The following CLVS1 variants were observed in gnomAD, a reference collection of about 807,000 sequenced individuals.
The protein encoded by CLVS1 is clavesin 1.
In CLVS1, 10 loss-of-function variants were observed where a neutral mutation model predicts 33.1. The ratio of observed to expected loss-of-function variants is 0.30; its 90% CI spans 0.19 to 0.51. The LOEUF (loss-of-function observed/expected upper bound fraction) is 0.51, where lower values mean the gene tolerates loss of function less well. CLVS1 is among the 20% of genes least tolerant of loss of function. CLVS1 has a pLI of 0.97. For synonymous variants in CLVS1, 163 were observed against 166.1 expected, an observed-to-expected ratio of 0.98 and a Z score of 0.14; for missense variants, 343 against 433.4, an observed-to-expected ratio of 0.79 and a Z score of 1.85.
chr8:61,388,584 G>A (rs929493311), intron 3 of CLVS1, among the ~76,000 whole-genome samples: 2 of 151,832 alleles, frequency 1.3e-5, no homozygotes, highest in East Asian at 3.9e-4. Flanking sequence ...TAAAATGGAT[G>A]CATTAAGCCT....
chr8:61,194,562 T>C (rs1421025625), intron 2 of CLVS1, among the ~76,000 whole-genome samples: 3 of 151,988 alleles, frequency 2.0e-5, no homozygotes, highest in Non-Finnish European at 2.9e-5. Context: ...TCTATGTATA[T>C]AGGCCTCCTT....
the CLVS1 span, among the ~76,000 whole-genome samples, chr8:60,989,832 A>C: frequency 1.3e-5 from 2 of 152,068 alleles, no homozygotes; most frequent in African/African-American, 4.8e-5. Flanking sequence ...ATGGCATAAA[A>C]GAGGCAGAGG....
chr8:61,446,247 A>G (rs1331187486), intron 3 of CLVS1, among the ~76,000 whole-genome samples: 1 of 151,868 alleles, frequency 6.6e-6, no homozygotes. Context: ...AGGGGCTTAG[A>G]TTATTGATTC....
intron 2 of CLVS1, among the ~76,000 whole-genome samples, chr8:61,337,271 G>A (rs1394494511): frequency 6.6e-6 from 1 of 152,198 alleles, no homozygotes; most frequent in African/African-American, 2.4e-5. Flanking sequence ...TGTGCCACAA[G>A]TGGGTGAGTT....
chr8:61,085,712 G>C (rs1433727859), intron 1 of CLVS1, among the ~76,000 whole-genome samples: 2 of 138,132 alleles, frequency 1.4e-5, no homozygotes, highest in Non-Finnish European at 1.5e-5. Flanking sequence ...CCAAAATGGT[G>C]AAACCCCATC....
At chr8:61,313,522 C>T (rs1048270938) in intron 2 of CLVS1, among the ~76,000 whole-genome samples, 4 of 152,130 alleles carry the variant, frequency 2.6e-5, no homozygotes, top group Non-Finnish European at 2.9e-5. Context: ...TAGGAAAGAA[C>T]ACAGGAGGGA....
rs1188366643 is a variant in CLVS1, at chr8:61,246,167, CTTTTTTTTTTTTTTTTT to C, written c.-151-53497_-151-53481del. ...AAACCCTTTTTCTCTTCCTTCCCAA[CTTTTTTTTTTTTTTTTT>C]TTTTTTTTTTTTGAGACGGAGTCTC... On this transcript the variant is annotated intron_variant, in intron 2 of 2. Coordinates refer to the CLVS1 transcript ENST00000522621. Among the ~76,000 whole-genome samples the C allele has an allele frequency of 1.6e-4, 13 of 82,240 alleles. No individual in the cohort carries two copies. The East Asian group carries it at 3.7e-3, about 23-fold the overall frequency. The allele number at this position is 82,240 out of a possible 152,430, so 54.0% of individuals were successfully genotyped here.
chr8:61,174,178 T>A (rs565056720), intron 2 of CLVS1, among the ~76,000 whole-genome samples: 66 of 152,304 alleles, frequency 4.3e-4, no homozygotes, highest in African/African-American at 1.5e-3. Context: ...ATTCACAATG[T>A]TTAGCACCTC....
At chr8:61,147,602 A>G (rs1381573080) in intron 2 of CLVS1, among the ~76,000 whole-genome samples, 1 of 152,206 alleles carries the variant, frequency 6.6e-6, no homozygotes, top group Non-Finnish European at 1.5e-5. Context: ...AAATGTCTCC[A>G]TATCCTCAAA....
chr8:61,085,753 G>T (rs1435620926), intron 1 of CLVS1, among the ~76,000 whole-genome samples: 4 of 150,078 alleles, frequency 2.7e-5, no homozygotes, highest in African/African-American at 7.4e-5. Flanking sequence ...AGGGCACAGT[G>T]GCTCACACCT....
chr8:61,018,151 C>G, the CLVS1 span, among the ~76,000 whole-genome samples: 1 of 152,174 alleles, frequency 6.6e-6, no homozygotes, highest in Non-Finnish European at 1.5e-5. Flanking sequence ...ATTATCACCC[C>G]TATTTGATGA....
chr8:61,006,511 G>A, the CLVS1 span, among the ~76,000 whole-genome samples: 289 of 152,328 alleles, frequency 1.9e-3, 1 homozygote, highest in Non-Finnish European at 2.8e-3. Context: ...TCCTGGGCAG[G>A]TGACCCACGA....
chr8:61,346,485 C>A (rs553407143), intron 2 of CLVS1, among the ~76,000 whole-genome samples: 1 of 152,018 alleles, frequency 6.6e-6, no homozygotes, highest in Admixed American at 6.6e-5. Flanking sequence ...ATGTTGCGCT[C>A]GCTACAATAT....
At chr8:61,330,731 T>G (rs1336690960) in intron 2 of CLVS1, among the ~76,000 whole-genome samples, 1 of 152,162 alleles carries the variant, frequency 6.6e-6, no homozygotes, top group Non-Finnish European at 1.5e-5. Flanking sequence ...TCTCTGCTAT[T>G]TTCTGGATCC....
intron 1 of CLVS1, among the ~76,000 whole-genome samples, chr8:61,070,912 G>A (rs948494442): frequency 2.6e-5 from 4 of 152,276 alleles, no homozygotes; most frequent in Middle Eastern, 6.8e-3. Context: ...TCTGGTTGGG[G>A]TCCTTCCTCT....
At chr8:61,340,187 A>C (rs995312171) in intron 2 of CLVS1, among the ~76,000 whole-genome samples, 1 of 152,250 alleles carries the variant, frequency 6.6e-6, no homozygotes, top group Non-Finnish European at 1.5e-5. Flanking sequence ...TACCTCGCAC[A>C]TGTAGTTTTT....
At chr8:61,189,558 A>G (rs1308202903) in intron 2 of CLVS1, among the ~76,000 whole-genome samples, 1 of 152,228 alleles carries the variant, frequency 6.6e-6, no homozygotes, top group East Asian at 1.9e-4. Flanking sequence ...AAATGCTCCA[A>G]TTAAAAGACA....
chr8:61,355,176 G>A (rs1812641070), intron 2 of CLVS1, among the ~76,000 whole-genome samples: 1 of 152,046 alleles, frequency 6.6e-6, no homozygotes, highest in Non-Finnish European at 1.5e-5. Context: ...GTCAGAATTG[G>A]TACTGAATTC....
intron 2 of CLVS1, among the ~76,000 whole-genome samples, chr8:61,169,499 T>C (rs920078902): frequency 5.3e-5 from 8 of 152,316 alleles, no homozygotes; most frequent in African/African-American, 1.9e-4. Context: ...AGACAGGCTG[T>C]TCATTTATTC....
Sources: gnomAD v4.1 joint callset for allele counts (sites outside exome capture counted in the v4.1 genomes callset) on GRCh38, gnomAD v4.1.1 for gene constraint, MANE v1.5 for transcripts, NCBI Gene and HGNC (gene_info 2026-07-23, HGNC 2026-07-21) for gene names.